Variants in OSBPL8 observed in about 807,000 individuals in gnomAD.
The protein encoded by OSBPL8 is oxysterol binding protein like 8.
OSBPL8 carries 59 observed loss-of-function variants against 125.5 expected under a neutral mutation model. The observed-to-expected ratio is 0.47, with a 90% CI of 0.38 to 0.58. The LOEUF (loss-of-function observed/expected upper bound fraction) is 0.58, where lower values mean the gene tolerates loss of function less well. Ranked by LOEUF, OSBPL8 falls within the 20% of genes least tolerant of loss-of-function variation. OSBPL8 has a pLI of 0.00. For synonymous variants in OSBPL8, 330 were observed against 338.9 expected, an observed-to-expected ratio of 0.97 and a Z score of 0.29; for missense variants, 758 against 1,047.8, an observed-to-expected ratio of 0.72 and a Z score of 3.82.
At chr12:76,378,230 T>C (rs1592557582) in intron 16 of OSBPL8, among the ~76,000 whole-genome samples, 1 of 152,198 alleles carries the variant, frequency 6.6e-6, no homozygotes, top group East Asian at 1.9e-4. Flanking sequence ...CAGTCTCTTC[T>C]GACTAAAGTA....
intron 2 of OSBPL8, among the ~76,000 whole-genome samples, chr12:76,469,679 C>G (rs1875886583): frequency 6.6e-6 from 1 of 152,196 alleles, no homozygotes; most frequent in South Asian, 2.1e-4. Flanking sequence ...CAATCATCCC[C>G]TATTTTGTTA....
At position 76,422,691 on chromosome 12, in the gene OSBPL8, G is replaced by A. The variant is rs1029526650; in HGVS notation, c.218-12057C>T. Reference sequence around the variant, plus strand: ...TATTTAATGTATATGCTCACCCAAAGGCTAATTAGACCAATATGGCAAAGA... The same window carrying A: ...TATTTAATGTATATGCTCACCCAAAAGCTAATTAGACCAATATGGCAAAGA... On this transcript the variant is annotated intron_variant, in intron 4 of 23. Coordinates refer to ENST00000261183, the MANE Select transcript of OSBPL8 (RefSeq NM_020841.5). 27 of 448,152 alleles carry A rather than the reference G, an allele frequency of 6.0e-5. No homozygotes were observed. The Admixed American group carries it at 6.2e-4, about 10-fold the overall frequency. 27.8% of individuals were successfully genotyped at this position (448,152 alleles called of 1,614,324 possible).
intron 1 of OSBPL8, among the ~76,000 whole-genome samples, chr12:76,490,243 G>A (rs1223409185): frequency 6.6e-6 from 1 of 152,174 alleles, no homozygotes; most frequent in African/African-American, 2.4e-5. Flanking sequence ...GGCAGAAAAC[G>A]GCAGGTCCCT....
chr12:76,387,034 T>C (rs1271605526), intron 12 of OSBPL8, among the ~76,000 whole-genome samples: 1 of 152,198 alleles, frequency 6.6e-6, no homozygotes, highest in Non-Finnish European at 1.5e-5. Flanking sequence ...ACTGTGTGAT[T>C]TCTAGCATTT....
chr12:76,464,475 T>C (rs1357647579), intron 2 of OSBPL8, among the ~76,000 whole-genome samples: 1 of 152,176 alleles, frequency 6.6e-6, no homozygotes, highest in Non-Finnish European at 1.5e-5. Flanking sequence ...ATTACCCAAA[T>C]ATTTACTAAT....
intron 4 of OSBPL8, among the ~76,000 whole-genome samples, chr12:76,417,804 G>A (rs73383561): frequency 0.033 from 5,058 of 151,802 alleles, 259 homozygotes; most frequent in African/African-American, 0.11. Context: ...AGTTTGTATC[G>A]GATCACTCTA....
chr12:76,380,736 T>C (rs1199143868), intron 15 of OSBPL8, among the ~76,000 whole-genome samples: 1 of 152,146 alleles, frequency 6.6e-6, no homozygotes, highest in Non-Finnish European at 1.5e-5. Context: ...ATGCTATTTT[T>C]CCCTTTAATT....
chr12:76,435,820 G>A (rs1260886030), intron 4 of OSBPL8, among the ~76,000 whole-genome samples: 1 of 151,974 alleles, frequency 6.6e-6, no homozygotes, highest in Non-Finnish European at 1.5e-5. Context: ...TACATATAAG[G>A]GCAGTTTGCA....
chr12:76,539,985 C>T (rs1006514476), intron 1 of OSBPL8, among the ~76,000 whole-genome samples: 1 of 152,162 alleles, frequency 6.6e-6, no homozygotes, highest in African/African-American at 2.4e-5. Context: ...ATCTTAAAAG[C>T]AGTAGGCATG....
At chr12:76,558,126 T>TA (rs138216975) in intron 1 of OSBPL8, among the ~76,000 whole-genome samples, 110,383 of 150,256 alleles carry the variant, frequency 0.73, 41,031 homozygotes, top group East Asian at 0.92. Context: ...ACGGTTAATA[T>TA]TAAAAAAAAA....
intron 8 of OSBPL8, among the ~76,000 whole-genome samples, chr12:76,395,238 A>ACATG (rs1953741801): frequency 6.6e-6 from 1 of 152,190 alleles, no homozygotes; most frequent in East Asian, 1.9e-4. Flanking sequence ...TTTTCCAGAA[A>ACATG]CATGAAAGAA....
At chr12:76,493,259 A>T (rs1208924013) in intron 1 of OSBPL8, among the ~76,000 whole-genome samples, 1 of 152,180 alleles carries the variant, frequency 6.6e-6, no homozygotes, top group African/African-American at 2.4e-5. Context: ...ACCAATCAAA[A>T]TTTGCTTCAC....
rs185506325 is a variant in OSBPL8, at chr12:76,529,370, T to C, written c.-68+30027A>G. On this transcript the variant is annotated intron_variant, in intron 1 of 23. Coordinates refer to ENST00000261183, the MANE Select transcript of OSBPL8 (RefSeq NM_020841.5). ...AAAACAAATCAGTTGGTGAGTGGATTTGTAGAAACCTAATCAAAGCTTAGA... is the reference window on the plus strand; with the variant it reads ...AAAACAAATCAGTTGGTGAGTGGATCTGTAGAAACCTAATCAAAGCTTAGA... Among the ~76,000 whole-genome samples the C allele has an allele frequency of 8.2e-4, 125 of 152,250 alleles. 1 individual carries two copies. The highest frequency in any genetic ancestry group is 4.3e-4 in the Non-Finnish European group (29 of 68,016).
At chr12:76,538,921 T>G (rs2137404419) in intron 1 of OSBPL8, among the ~76,000 whole-genome samples, 2 of 150,770 alleles carry the variant, frequency 1.3e-5, no homozygotes, top group East Asian at 3.9e-4. Context: ...CCAGCCTGGG[T>G]GACACACCAA....
chr12:76,359,634 T>C (rs751331629), intron 21 of OSBPL8, among the ~76,000 whole-genome samples: 3 of 152,188 alleles, frequency 2.0e-5, no homozygotes, highest in Non-Finnish European at 4.4e-5. Flanking sequence ...GAGGTTTAAT[T>C]TGACTTATGG....
At chr12:76,414,891 TGTTA>T (rs1868437527) in intron 4 of OSBPL8, among the ~76,000 whole-genome samples, 1 of 152,224 alleles carries the variant, frequency 6.6e-6, no homozygotes, top group Non-Finnish European at 1.5e-5. Flanking sequence ...GCTTTTAATC[TGTTA>T]GTGTAGTGAA....
chr12:76,396,446 A>G (rs1953806894), intron 8 of OSBPL8, among the ~76,000 whole-genome samples: 1 of 152,180 alleles, frequency 6.6e-6, no homozygotes, highest in Non-Finnish European at 1.5e-5. Context: ...TAGAAACTAA[A>G]GCAATGATCA....
At chr12:76,462,450 A>C (rs1874856976) in intron 2 of OSBPL8, among the ~76,000 whole-genome samples, 1 of 152,162 alleles carries the variant, frequency 6.6e-6, no homozygotes, top group African/African-American at 2.4e-5. Context: ...TAATCAAAAC[A>C]AACATCATCT....
intron 8 of OSBPL8, among the ~76,000 whole-genome samples, chr12:76,395,693 A>C (rs1953762709): frequency 6.6e-6 from 1 of 152,128 alleles, no homozygotes; most frequent in South Asian, 2.1e-4. Flanking sequence ...TTATGTGTAC[A>C]ATGGGAAGAA....
Sources: allele counts gnomAD v4.1 joint callset (sites outside exome capture counted in the v4.1 genomes callset), GRCh38; gene constraint gnomAD v4.1.1; transcripts MANE v1.5; gene names NCBI Gene and HGNC (gene_info 2026-07-23, HGNC 2026-07-21).